The following DLG2 variants were observed in gnomAD, a reference collection of about 807,000 sequenced individuals.
The protein encoded by DLG2 is disks large homolog 2.
In DLG2, 45 loss-of-function variants were observed where a neutral mutation model predicts 132.5. That is an observed-to-expected ratio of 0.34 (90% CI 0.27 to 0.44). The LOEUF (loss-of-function observed/expected upper bound fraction) is 0.44, where lower values mean the gene tolerates loss of function less well. DLG2 is among the 20% of genes least tolerant of loss of function. The probability of loss-of-function intolerance (pLI) is 1.00; values close to 1 mark genes in which losing one functional copy is unlikely to be tolerated. For missense variants in DLG2, 1,045 were observed against 1,196.9 expected, an observed-to-expected ratio of 0.87 and a Z score of 1.87; for synonymous variants, 424 against 419.6, an observed-to-expected ratio of 1.01 and a Z score of -0.13.
At chr11:83,623,756 A>C (rs927648769) in intron 19 of DLG2, among the ~76,000 whole-genome samples, 2 of 152,238 alleles carry the variant, frequency 1.3e-5, no homozygotes, top group Non-Finnish European at 2.9e-5. Context: ...ACTTAAGGAC[A>C]AGTGATTTCT....
chr11:83,822,366 C>G (rs1040485671), intron 17 of DLG2, among the ~76,000 whole-genome samples: 1 of 152,108 alleles, frequency 6.6e-6, no homozygotes, highest in Admixed American at 6.5e-5. Context: ...CTAAAACATT[C>G]CTCAAATAGA....
At chr11:83,771,693 A>G (rs78000677) in intron 18 of DLG2, among the ~76,000 whole-genome samples, 3,583 of 152,308 alleles carry the variant, frequency 0.024, 48 homozygotes, top group South Asian at 0.053. Context: ...TATGTGATCC[A>G]TTGTTAAACA....
chr11:84,605,956 C>T (rs1035711968), intron 6 of DLG2, among the ~76,000 whole-genome samples: 1 of 152,030 alleles, frequency 6.6e-6, no homozygotes, highest in African/African-American at 2.4e-5. Context: ...TTATTCTAGT[C>T]ATAACTGACC....
chr11:84,802,756 A>G (rs1384672756), intron 6 of DLG2, among the ~76,000 whole-genome samples: 3 of 151,990 alleles, frequency 2.0e-5, no homozygotes, highest in Non-Finnish European at 4.4e-5. Flanking sequence ...ATGAAAGTAG[A>G]AAAAAGCAAT....
intron 17 of DLG2, chr11:83,790,056 A>C: frequency 7.8e-7 from 1 of 1,286,570 alleles, no homozygotes; most frequent in South Asian, 1.7e-5. Context: ...TACTGACATA[A>C]AACAAAATGA....
At chr11:83,840,400 A>G (rs1189342983) in intron 16 of DLG2, among the ~76,000 whole-genome samples, 2 of 152,228 alleles carry the variant, frequency 1.3e-5, no homozygotes, top group South Asian at 2.1e-4. Flanking sequence ...ATTTCATATT[A>G]TAATTAATTA....
At chr11:85,391,288 T>C (rs779597289) in intron 3 of DLG2, among the ~76,000 whole-genome samples, 1 of 151,886 alleles carries the variant, frequency 6.6e-6, no homozygotes, top group Non-Finnish European at 1.5e-5. Context: ...AAGACTGAAA[T>C]GGTAATTTAA....
chr11:84,166,146 C>T (rs545943436), intron 8 of DLG2, among the ~76,000 whole-genome samples: 5 of 152,230 alleles, frequency 3.3e-5, no homozygotes, highest in African/African-American at 1.2e-4. Flanking sequence ...TGCCAAAGGA[C>T]TCCTAAGACA....
intron 6 of DLG2, among the ~76,000 whole-genome samples, chr11:84,690,367 G>A (rs928034432): frequency 6.6e-6 from 1 of 151,310 alleles, no homozygotes; most frequent in South Asian, 2.1e-4. Flanking sequence ...CAATGTATAC[G>A]TAGATCAAAA....
At chr11:85,621,925 A>G (rs11824926) in intron 2 of DLG2, among the ~76,000 whole-genome samples, 1 of 152,364 alleles carries the variant, frequency 6.6e-6, no homozygotes, top group Admixed American at 6.5e-5. Context: ...AATGCTGTCA[A>G]ACAGCATCTC....
chr11:85,186,476 T>A (rs1295616263), intron 4 of DLG2, among the ~76,000 whole-genome samples: 1 of 152,076 alleles, frequency 6.6e-6, no homozygotes, highest in Non-Finnish European at 1.5e-5. Context: ...ATGTAAAGAA[T>A]GTTCAATACA....
At chr11:83,522,916 T>C (rs2095519858) in intron 21 of DLG2, among the ~76,000 whole-genome samples, 2 of 151,804 alleles carry the variant, frequency 1.3e-5, no homozygotes, top group Admixed American at 6.6e-5. Flanking sequence ...TTACACGTGC[T>C]ATTATTTTTT....
At chr11:83,786,864 C>G in intron 17 of DLG2, 72 bp from the exon 18 acceptor site, 1 of 1,345,194 alleles carries the variant, frequency 7.4e-7, no homozygotes. Context: ...AAAAAGTTTC[C>G]CAAAACCAGG....
At chr11:84,777,420 G>A (rs986655283) in intron 6 of DLG2, among the ~76,000 whole-genome samples, 1 of 149,834 alleles carries the variant, frequency 6.7e-6, no homozygotes, top group Non-Finnish European at 1.5e-5. Context: ...AACAGTGTAG[G>A]TATCTTTTTG....
At chr11:85,003,612 T>C (rs2058393860) in intron 6 of DLG2, among the ~76,000 whole-genome samples, 1 of 152,162 alleles carries the variant, frequency 6.6e-6, no homozygotes, top group South Asian at 2.1e-4. Context: ...GTTAAGGGTA[T>C]ATTACTTCAG....
chr11:83,641,228 T>A (rs189186118), intron 18 of DLG2, among the ~76,000 whole-genome samples: 3 of 152,288 alleles, frequency 2.0e-5, no homozygotes, highest in African/African-American at 7.2e-5. Context: ...TGAAATATGA[T>A]AATTCAGAAT....
At chr11:85,319,005 T>C (rs531404724) in intron 3 of DLG2, among the ~76,000 whole-genome samples, 1 of 152,016 alleles carries the variant, frequency 6.6e-6, no homozygotes, top group South Asian at 2.1e-4. Flanking sequence ...TGACAGTAAG[T>C]CATTTAAAAC....
intron 6 of DLG2, among the ~76,000 whole-genome samples, chr11:84,879,187 G>A (rs142138956): frequency 9.5e-4 from 144 of 152,136 alleles, no homozygotes; most frequent in Non-Finnish European, 1.5e-3. Context: ...CACTCTAATG[G>A]CTGCAAGTCA....
intron 6 of DLG2, among the ~76,000 whole-genome samples, chr11:85,065,118 A>C (rs1427842596): frequency 6.6e-6 from 1 of 151,490 alleles, no homozygotes; most frequent in Non-Finnish European, 1.5e-5. Context: ...GATAATAAAA[A>C]ATGGTGAAGA....
Sources: allele counts gnomAD v4.1 joint callset (sites outside exome capture counted in the v4.1 genomes callset), GRCh38; gene constraint gnomAD v4.1.1; transcripts MANE v1.5; gene names NCBI Gene and HGNC (gene_info 2026-07-23, HGNC 2026-07-21).